The following SH3PXD2B variants were observed in gnomAD, a reference collection of about 807,000 sequenced individuals.
SH3PXD2B encodes the protein SH3 and PX domains 2B.
Under a neutral mutation model 73.1 loss-of-function variants are expected in SH3PXD2B, and 37 were observed. That is an observed-to-expected ratio of 0.51 (90% confidence interval 0.39 to 0.67). The LOEUF (loss-of-function observed/expected upper bound fraction) is 0.67. Ranked by LOEUF, SH3PXD2B falls within the 30% of genes least tolerant of loss-of-function variation. SH3PXD2B has a pLI of 0.00. For missense variants in SH3PXD2B, 1,053 were observed against 1,197.8 expected (o/e 0.88, Z 1.78); for synonymous variants, 457 against 480.5 (o/e 0.95, Z 0.64).
At position 172,336,801 on chromosome 5, in the gene SH3PXD2B, C is replaced by A. The variant is rs1287651195; in HGVS notation, c.*1568G>T. On this transcript the variant is annotated 3_prime_UTR_variant, in exon 13 of 13. Coordinates refer to ENST00000311601, the MANE Select transcript of SH3PXD2B (RefSeq NM_001017995.3). ...GGGCTGGGAGCTAGAAATGCTGGGT[C>A]CTGATTTTGCTTCTGCAGTGATTTA... The A allele has an allele frequency of 2.0e-6, 2 of 985,462 alleles. No homozygotes were observed. 61.0% of individuals were successfully genotyped at this position (985,462 alleles called of 1,614,324 possible).
At chr5:172,401,882 T>C (rs1459645187) in intron 3 of SH3PXD2B, among the ~76,000 whole-genome samples, 1 of 152,156 alleles carries the variant, frequency 6.6e-6, no homozygotes, top group East Asian at 1.9e-4. Context: ...AAGCTGAGGA[T>C]GTATGTCGCC....
At chr5:172,424,514 C>T (rs74384258) in intron 1 of SH3PXD2B, among the ~76,000 whole-genome samples, 9,156 of 152,236 alleles carry the variant, frequency 0.06, 665 homozygotes, top group African/African-American at 0.17. Context: ...AGAACAACTT[C>T]AGGGGCTGGG....
At chr5:172,327,193 T>G (rs565360670) in intron 12 of SH3PXD2B, among the ~76,000 whole-genome samples, 60 of 152,298 alleles carry the variant, frequency 3.9e-4, no homozygotes, top group Middle Eastern at 6.8e-3. Flanking sequence ...CTACTCTTCA[T>G]AGAAACAATA....
intron 1 of SH3PXD2B, among the ~76,000 whole-genome samples, chr5:172,450,046 T>C (rs1759760479): frequency 6.6e-6 from 1 of 152,158 alleles, no homozygotes; most frequent in South Asian, 2.1e-4. Context: ...GTCCATGGGC[T>C]GTGGTGGGAA....
chr5:172,364,979 T>G (rs2113328336), intron 6 of SH3PXD2B, among the ~76,000 whole-genome samples: 1 of 152,260 alleles, frequency 6.6e-6, no homozygotes, highest in African/African-American at 2.4e-5. Context: ...TCTGGATTTT[T>G]GATGTGAAAA....
intron 3 of SH3PXD2B, among the ~76,000 whole-genome samples, chr5:172,401,132 T>C (rs1434192158): frequency 6.6e-6 from 1 of 152,230 alleles, no homozygotes. Flanking sequence ...ATCAAATTAA[T>C]GATTTAAGAC....
intron 8 of SH3PXD2B, among the ~76,000 whole-genome samples, chr5:172,357,879 A>C (rs1223964166): frequency 6.6e-6 from 1 of 152,184 alleles, no homozygotes; most frequent in Non-Finnish European, 1.5e-5. Context: ...GATATGCTTT[A>C]TGTGGCTCCA....
Position 172,350,636 on chromosome 5 carries a change from A to G in SH3PXD2B, c.786-47T>C, listed in dbSNP as rs1341086441. 3.2e-6 allele frequency: 5 copies of G among 1,539,230 alleles called. 1 individual carries two copies. The South Asian group carries it at 5.9e-5, about 18-fold the overall frequency. On this transcript the variant is annotated intron_variant, in intron 9 of 12. Coordinates refer to ENST00000311601, the MANE Select transcript of SH3PXD2B (RefSeq NM_001017995.3). ...CTGTCAAACTGCTCCGCCAGGCCCA[A>G]GGGAAGAAGCCTTGCTCCTACTGGG...
chr5:172,430,854 C>A (rs556766116), intron 1 of SH3PXD2B, among the ~76,000 whole-genome samples: 3 of 144,428 alleles, frequency 2.1e-5, no homozygotes, highest in Non-Finnish European at 4.5e-5. Flanking sequence ...GAAGTAACCA[C>A]CTGTTCTTTC....
At chr5:172,381,585 C>T (rs7725430) in intron 5 of SH3PXD2B, among the ~76,000 whole-genome samples, 10,119 of 152,154 alleles carry the variant, frequency 0.067, 474 homozygotes, top group South Asian at 0.2. Flanking sequence ...TGGAGAGCTT[C>T]GGAGCCTGGC....
At chr5:172,437,282 A>T (rs1759414947) in intron 1 of SH3PXD2B, among the ~76,000 whole-genome samples, 1 of 152,028 alleles carries the variant, frequency 6.6e-6, no homozygotes. Context: ...TTTGGTTCTG[A>T]TCTGTTGACT....
intron 1 of SH3PXD2B, among the ~76,000 whole-genome samples, chr5:172,424,015 T>A (rs1299988101): frequency 1.3e-5 from 2 of 152,022 alleles, no homozygotes; most frequent in African/African-American, 4.8e-5. Context: ...TGTCAAGATG[T>A]GGAGCTGCTG....
At chr5:172,348,335 T>G (rs1310444045) in intron 10 of SH3PXD2B, among the ~76,000 whole-genome samples, 2 of 152,074 alleles carry the variant, frequency 1.3e-5, no homozygotes, top group Non-Finnish European at 2.9e-5. Flanking sequence ...CAACGCCTTT[T>G]TTTTTTTAAA....
intron 6 of SH3PXD2B, among the ~76,000 whole-genome samples, chr5:172,363,846 G>A (rs1043763516): frequency 1.3e-5 from 2 of 152,168 alleles, no homozygotes; most frequent in African/African-American, 4.8e-5. Flanking sequence ...GTCAATTAAG[G>A]GCTTTGAGAA....
intron 7 of SH3PXD2B, among the ~76,000 whole-genome samples, chr5:172,362,400 C>A (rs952485836): frequency 6.6e-6 from 1 of 152,186 alleles, no homozygotes; most frequent in Non-Finnish European, 1.5e-5. Flanking sequence ...CTCGGAGACT[C>A]CCATGGGTAA....
rs779082502 is a variant in SH3PXD2B at position 172,337,741 on chromosome 5, C to G, written c.*628G>C. 4.1e-5 allele frequency: 41 copies of G among 993,316 alleles called. No individual in the cohort carries two copies. The highest frequency in any genetic ancestry group is 4.4e-5 in the Non-Finnish European group (37 of 834,708). 61.5% of individuals were successfully genotyped at this position (993,316 alleles called of 1,614,324 possible). ...GAAGGTGGGAGGCAGGGCGGCTGAG[C>G]GGATCTCCAGGCCCACTCCTGGGGG... is the stretch of plus-strand genomic sequence containing the variant. On this transcript the variant is annotated 3_prime_UTR_variant, in exon 13 of 13. Coordinates refer to ENST00000311601, the MANE Select transcript of SH3PXD2B (RefSeq NM_001017995.3).
chr5:172,419,277 T>A (rs997147535), intron 2 of SH3PXD2B, among the ~76,000 whole-genome samples: 1 of 151,948 alleles, frequency 6.6e-6, no homozygotes, highest in Non-Finnish European at 1.5e-5. Flanking sequence ...TGCCTCGACA[T>A]GTCAGCAATG....
chr5:172,451,227 C>T (rs1376228759), intron 1 of SH3PXD2B, among the ~76,000 whole-genome samples: 1 of 152,240 alleles, frequency 6.6e-6, no homozygotes, highest in Non-Finnish European at 1.5e-5. Context: ...GACCCTGTCC[C>T]TCACAGGCAA....
At chr5:172,419,061 G>C (rs558981994) in intron 2 of SH3PXD2B, among the ~76,000 whole-genome samples, 5 of 152,144 alleles carry the variant, frequency 3.3e-5, no homozygotes, top group Admixed American at 6.5e-5. Flanking sequence ...ATAAATGCAC[G>C]AGGAAGGCAC....
Sources: allele counts gnomAD v4.1 joint callset (sites outside exome capture counted in the v4.1 genomes callset), GRCh38; gene constraint gnomAD v4.1.1; transcripts MANE v1.5; gene names NCBI Gene and HGNC (gene_info 2026-07-23, HGNC 2026-07-21).